SEMA4D: variants seen among roughly 807,000 people sequenced by gnomAD.
The protein encoded by SEMA4D is semaphorin 4D.
In SEMA4D, 22 loss-of-function variants were observed where a neutral mutation model predicts 74.8. The observed-to-expected ratio is 0.29, with a 90% CI of 0.21 to 0.42. SEMA4D has a LOEUF of 0.42. Ranked by LOEUF, SEMA4D falls within the 10% of genes least tolerant of loss-of-function variation. The pLI is 1.00. For missense variants in SEMA4D, 937 were observed against 1,118.4 expected (o/e 0.84, Z 2.31); for synonymous variants, 445 against 463.7 (o/e 0.96, Z 0.52).
intron 1 of SEMA4D, among the ~76,000 whole-genome samples, chr9:89,477,743 C>T (rs1034074511): frequency 6.6e-6 from 1 of 152,166 alleles, no homozygotes; most frequent in South Asian, 2.1e-4. Flanking sequence ...ACAATGAAAG[C>T]GTTCACTCTT....
intron 1 of SEMA4D, among the ~76,000 whole-genome samples, chr9:89,482,677 G>A (rs1390186836): frequency 2.0e-5 from 3 of 152,214 alleles, no homozygotes; most frequent in African/African-American, 7.2e-5. Context: ...CAACTACAAT[G>A]TAAGTGCTTG....
At chr9:89,422,141 G>A (rs1322811117) in intron 2 of SEMA4D, among the ~76,000 whole-genome samples, 1 of 152,178 alleles carries the variant, frequency 6.6e-6, no homozygotes, top group Admixed American at 6.5e-5. Flanking sequence ...ATCCCAGCTC[G>A]GGTGTCTCCT....
At chr9:89,429,774 G>T (rs942954715) in intron 2 of SEMA4D, among the ~76,000 whole-genome samples, 2 of 152,024 alleles carry the variant, frequency 1.3e-5, no homozygotes, top group African/African-American at 4.8e-5. Context: ...ATTCCAGAGC[G>T]CATGGTGCAA....
At chr9:89,480,184 G>C (rs1824439842) in intron 1 of SEMA4D, among the ~76,000 whole-genome samples, 1 of 151,670 alleles carries the variant, frequency 6.6e-6, no homozygotes, top group African/African-American at 2.4e-5. Flanking sequence ...CCCTGAGCTA[G>C]ATATAAAGGT....
rs150882263 is a variant in SEMA4D at position 89,392,436 on chromosome 9, G to T, written c.609C>A (p.Ile203=). 16 of 1,612,416 alleles carry T rather than the reference G, an allele frequency of 9.9e-6. No homozygotes were observed. The South Asian group carries it at 1.8e-4, about 18-fold the overall frequency. The change falls in exon 8 of 16, where the codon ATC becomes ATA. Residue 203 remains isoleucine, a synonymous_variant. Coordinates refer to ENST00000422704, the MANE Select transcript of SEMA4D (RefSeq NM_001371194.2). ...SHSPLRTEYA[I]PWLNEPSFVF... is the part of the protein sequence containing the mutation. ...GCTCTTCCTTACCGTTCAGCCAAGG[G>T]ATTGCATATTCTGTCCTCAGAGGAC...
chr9:89,493,218 A>G (rs1257584312), intron 1 of SEMA4D, among the ~76,000 whole-genome samples: 4 of 152,260 alleles, frequency 2.6e-5, no homozygotes, highest in African/African-American at 9.6e-5. Flanking sequence ...CAGATGGCTC[A>G]GCTCCTTGTG....
At chr9:89,407,226 C>CA (rs199673319) in intron 2 of SEMA4D, among the ~76,000 whole-genome samples, 2,431 of 152,102 alleles carry the variant, frequency 0.016, 34 homozygotes, top group Non-Finnish European at 0.024. Context: ...GAGTTCTGGC[C>CA]AAAAAAACTG....
At position 89,450,576 on chromosome 9, in the gene SEMA4D, C is replaced by A. The variant is rs116998183; in HGVS notation, c.-244+5312G>T. The A allele has an allele frequency of 6.4e-3, 6,167 of 962,646 alleles. 239 individuals are homozygous for A. The Admixed American group carries it at 0.068, about 11-fold the overall frequency. 59.6% of individuals were successfully genotyped at this position (962,646 alleles called of 1,614,324 possible). A position where few individuals can be genotyped will look rare whatever the true frequency, so the allele number is the denominator to read the frequency against. ...GCAGATAACCAGTGGTCCCTTCCAG[C>A]CTGACCTCTATAAGTCTGAGATGAA... On this transcript the variant is annotated intron_variant, in intron 2 of 15. Coordinates refer to ENST00000422704, the MANE Select transcript of SEMA4D (RefSeq NM_001371194.2).
chr9:89,363,164 C>T (rs1832978245), intron 18 of SEMA4D, among the ~76,000 whole-genome samples: 1 of 152,202 alleles, frequency 6.6e-6, no homozygotes, highest in Admixed American at 6.5e-5. Flanking sequence ...TAGACAGCCC[C>T]ACCTGTGAGT....
chr9:89,387,704 C>G (rs1265545492), intron 11 of SEMA4D, 96 bp from the exon 12 acceptor site: 12 of 979,174 alleles, frequency 1.2e-5, no homozygotes, highest in African/African-American at 3.2e-5. Flanking sequence ...GCTGCAAAAC[C>G]TGGAAACCAC....
chr9:89,482,659 G>C (rs191251464), intron 1 of SEMA4D, among the ~76,000 whole-genome samples: 6 of 152,182 alleles, frequency 3.9e-5, no homozygotes, highest in Non-Finnish European at 8.8e-5. Context: ...GTGTTTTTCC[G>C]TCTGTAGCAA....
At chr9:89,369,747 A>G (rs1588092056) in intron 16 of SEMA4D, among the ~76,000 whole-genome samples, 1 of 152,212 alleles carries the variant, frequency 6.6e-6, no homozygotes, top group Non-Finnish European at 1.5e-5. Context: ...CTGCATGCTA[A>G]CTTTACTTCA....
intron 1 of SEMA4D, among the ~76,000 whole-genome samples, chr9:89,494,958 C>T (rs1469887241): frequency 6.6e-6 from 1 of 152,174 alleles, no homozygotes; most frequent in African/African-American, 2.4e-5. Flanking sequence ...ACATCAATAG[C>T]CTAGTTTTCA....
intron 2 of SEMA4D, among the ~76,000 whole-genome samples, chr9:89,443,555 C>T (rs1852154242): frequency 6.6e-6 from 1 of 152,274 alleles, no homozygotes; most frequent in African/African-American, 2.4e-5. Flanking sequence ...CGGCCAGCAG[C>T]AGCCGCCAGA....
At position 89,378,396 on chromosome 9, in the gene SEMA4D, C is replaced by A; in HGVS notation, c.*308G>T. The A allele has an allele frequency of 3.4e-6, 1 of 294,698 alleles. No homozygotes were observed. The highest frequency in any genetic ancestry group is 6.4e-6 in the Non-Finnish European group (1 of 156,970). 18.3% of individuals were successfully genotyped at this position (294,698 alleles called of 1,614,324 possible). A position where few individuals can be genotyped will look rare whatever the true frequency, so the allele number is the denominator to read the frequency against. ...TCTTCTCAGCCAACAGAGGTCCAGC[C>A]ACCTTTCCCCCACTACAGAAAGGGC... On this transcript the variant is annotated 3_prime_UTR_variant, in exon 16 of 16. Coordinates refer to ENST00000422704, the MANE Select transcript of SEMA4D (RefSeq NM_001371194.2).
At position 89,386,404 on chromosome 9, in the gene SEMA4D, A is replaced by C. The variant is rs1344222196; in HGVS notation, c.1409T>G (p.Phe470Cys). The change falls in exon 13 of 16, where the codon TTT (phenylalanine) becomes TGT (cysteine). Residue 470 changes from phenylalanine (F) to cysteine (C), a missense_variant. Transcript: ENST00000422704. ...IIEETQLFQD[F>C]EPVQTLLLSS... ...CAGCAGCAGGGTCTGGACTGGCTCA[A>C]AGTCCTGGAAGAGCTGGGTCTCCTC... 1 of 1,613,886 alleles carries C rather than the reference A, an allele frequency of 6.2e-7. No individual in the cohort carries two copies. The highest frequency in any genetic ancestry group is 8.5e-7 in the Non-Finnish European group (1 of 1,179,918).
At chr9:89,403,801 C>T (rs934812699) in intron 3 of SEMA4D, among the ~76,000 whole-genome samples, 1 of 152,094 alleles carries the variant, frequency 6.6e-6, no homozygotes, top group African/African-American at 2.4e-5. Flanking sequence ...TGGTGGCGGG[C>T]GCCTGTAACC....
At chr9:89,474,744 G>C (rs990469447) in intron 1 of SEMA4D, among the ~76,000 whole-genome samples, 3 of 152,178 alleles carry the variant, frequency 2.0e-5, no homozygotes, top group Non-Finnish European at 4.4e-5. Flanking sequence ...CCTCAAAGAA[G>C]AGAAAAAAGC....
intron 1 of SEMA4D, among the ~76,000 whole-genome samples, chr9:89,457,621 A>G (rs535313962): frequency 5.1e-4 from 78 of 152,136 alleles, no homozygotes; most frequent in African/African-American, 1.8e-3. Context: ...AGTCCCGGCT[A>G]CTCGAGAAGC....
Sources: allele counts gnomAD v4.1 joint callset (sites outside exome capture counted in the v4.1 genomes callset), GRCh38; gene constraint gnomAD v4.1.1; transcripts MANE v1.5; gene names NCBI Gene and HGNC (gene_info 2026-07-23, HGNC 2026-07-21).